Variants in MED13L observed in about 807,000 individuals in gnomAD.
MED13L encodes mediator of RNA polymerase II transcription subunit 13-like.
A neutral mutation model predicts 220.9 loss-of-function variants in MED13L; 7 were observed. The ratio of observed to expected loss-of-function variants is 0.03; its 90% CI spans 0.02 to 0.06. MED13L has a LOEUF of 0.06. Ranked by LOEUF, MED13L falls within the 10% of genes least tolerant of loss-of-function variation. MED13L has a pLI of 1.00. For synonymous variants in MED13L, 1,011 were observed against 1,015.2 expected (o/e 1.00, Z 0.08); for missense variants, 1,965 against 2,760.5 (o/e 0.71, Z 6.46).
chr12:116,147,636 G>A (rs747980070), intron 2 of MED13L, among the ~76,000 whole-genome samples: 12 of 152,014 alleles, frequency 7.9e-5, no homozygotes, highest in Non-Finnish European at 1.5e-4. Flanking sequence ...TTGACAGCAC[G>A]ATATGCTAAA....
intron 17 of MED13L, among the ~76,000 whole-genome samples, chr12:115,988,934 A>G (rs1877880395): frequency 6.6e-6 from 1 of 152,166 alleles, no homozygotes; most frequent in African/African-American, 2.4e-5. Context: ...CATTCAGTAG[A>G]AACTGATTAA....
Position 116,142,627 on chromosome 12 carries a change from G to A in MED13L, c.311-31115C>T, listed in dbSNP as rs144090568. Among the ~76,000 whole-genome samples the A allele has an allele frequency of 5.1e-3, 784 of 152,290 alleles. 6 individuals are homozygous for A. Among genetic ancestry groups the A allele is most frequent in the Non-Finnish European group, 6.8e-3 (461 of 68,024 alleles). ...CGCTTGAACCGGGGTGGCAGAGGTT[G>A]CAGCAGGCCGATATTGCGCCACAGC... is the stretch of plus-strand genomic sequence containing the variant. On this transcript the variant is annotated intron_variant, in intron 2 of 30. Transcript: ENST00000281928.
intron 2 of MED13L, among the ~76,000 whole-genome samples, chr12:116,132,789 G>A (rs1876189638): frequency 6.6e-6 from 1 of 151,938 alleles, no homozygotes. Context: ...GTGTGGTGGT[G>A]TGTGCCTGTA....
chr12:116,226,339 C>CAATTATACT (rs1868987558), intron 2 of MED13L, among the ~76,000 whole-genome samples: 1 of 152,072 alleles, frequency 6.6e-6, no homozygotes, highest in Non-Finnish European at 1.5e-5. Context: ...AAACAAGACC[C>CAATTATACT]AATTATACTA....
At chr12:116,220,037 C>T (rs1051756137) in intron 2 of MED13L, among the ~76,000 whole-genome samples, 3 of 151,986 alleles carry the variant, frequency 2.0e-5, no homozygotes, top group Non-Finnish European at 2.9e-5. Context: ...CCTCGTGATC[C>T]ACCCCGCCTC....
At chr12:116,219,765 C>A (rs1198138620) in intron 2 of MED13L, among the ~76,000 whole-genome samples, 2 of 152,040 alleles carry the variant, frequency 1.3e-5, no homozygotes, top group African/African-American at 4.8e-5. Context: ...GAAGTTCTTA[C>A]CAAAGTAAGT....
rs1880838903 is a variant in MED13L, at chr12:116,031,759, A to AAGGAAG, written c.480-9159_480-9158insCTTCCT. Among the ~76,000 whole-genome samples the AAGGAAG allele has an allele frequency of 6.6e-3, 272 of 40,992 alleles. 18 individuals carry two copies. Among genetic ancestry groups the AAGGAAG allele is most frequent in the Admixed American group, 0.013 (45 of 3,446 alleles). 26.9% of individuals were successfully genotyped at this position (40,992 alleles called of 152,430 possible). ...AGAAAAGAAAAGAAAAGAAAAGAAAAGAAGGAAGGAAGGAAGGAAGGAAGG... is the reference window on the plus strand; with the variant it reads ...AGAAAAGAAAAGAAAAGAAAAGAAAAAGGAAGGAAGGAAGGAAGGAAGGAAGGAAGG... On this transcript the variant is annotated intron_variant, in intron 4 of 30. Coordinates refer to ENST00000281928, the MANE Select transcript of MED13L (RefSeq NM_015335.5).
At chr12:116,149,425 T>C (rs1877856564) in intron 2 of MED13L, among the ~76,000 whole-genome samples, 4 of 152,352 alleles carry the variant, frequency 2.6e-5, no homozygotes, top group African/African-American at 9.6e-5. Flanking sequence ...ATATGTTTGA[T>C]TGATTAACCT....
intron 8 of MED13L, 47 bp from the exon 9 acceptor site, chr12:116,012,948 C>T (rs772189585): frequency 7.4e-7 from 1 of 1,342,632 alleles, no homozygotes; most frequent in Non-Finnish European, 1.1e-6. Flanking sequence ...AATACCCATA[C>T]CCCTGGGGAG....
intron 4 of MED13L, among the ~76,000 whole-genome samples, chr12:116,094,405 C>G (rs1872497902): frequency 6.6e-6 from 1 of 152,144 alleles, no homozygotes; most frequent in African/African-American, 2.4e-5. Flanking sequence ...ATATCAGCAG[C>G]CTCCCATTTA....
rs77703604 is a variant in MED13L, at chr12:116,148,609, C to A, written c.311-37097G>T. The A allele has an allele frequency of 1.3e-4, 24 of 183,292 alleles. 1 individual carries two copies. The South Asian group carries it at 1.3e-3, about 10-fold the overall frequency. 11.4% of individuals were successfully genotyped at this position (183,292 alleles called of 1,614,324 possible). ...TCTATCTCCATATATATGGAGATAT[C>A]TATATATATATATATATATATACGG... On this transcript the variant is annotated intron_variant, in intron 2 of 30. Coordinates refer to ENST00000281928, the MANE Select transcript of MED13L (RefSeq NM_015335.5).
chr12:115,995,319 C>A (rs1002941959), intron 16 of MED13L, among the ~76,000 whole-genome samples: 1 of 152,204 alleles, frequency 6.6e-6, no homozygotes, highest in African/African-American at 2.4e-5. Flanking sequence ...TATTGCTTAC[C>A]TGACCACAGC....
chr12:116,197,378 G>C (rs532067280), intron 2 of MED13L, among the ~76,000 whole-genome samples: 1 of 152,060 alleles, frequency 6.6e-6, no homozygotes, highest in African/African-American at 2.4e-5. Context: ...GCTTTATCTC[G>C]TTGTCCATTC....
intron 4 of MED13L, among the ~76,000 whole-genome samples, chr12:116,066,408 T>C (rs999618211): frequency 1.3e-5 from 2 of 152,198 alleles, no homozygotes; most frequent in African/African-American, 4.8e-5. Flanking sequence ...GGATTTATTT[T>C]CATGGGATTA....
chr12:116,164,970 C>A (rs1879141102), intron 2 of MED13L, among the ~76,000 whole-genome samples: 1 of 152,218 alleles, frequency 6.6e-6, no homozygotes, highest in Admixed American at 6.5e-5. Context: ...TTAAAGATCA[C>A]CTTGTACTCA....
At chr12:116,015,929 C>T (rs939680104) in intron 7 of MED13L, among the ~76,000 whole-genome samples, 3 of 152,154 alleles carry the variant, frequency 2.0e-5, no homozygotes, top group Non-Finnish European at 4.4e-5. Flanking sequence ...TCACTGGTTT[C>T]TCTCTAGTAA....
At chr12:116,001,915 C>G (rs748175439) in intron 14 of MED13L, among the ~76,000 whole-genome samples, 15 of 152,208 alleles carry the variant, frequency 9.9e-5, no homozygotes, top group Non-Finnish European at 1.9e-4. Context: ...AAAGCCTTGG[C>G]TGAGTTATCA....
chr12:116,273,117 C>G lies in MED13L; in HGVS notation c.72+3943G>C, dbSNP rs558761689. ...GTCGGGAGTTTGAGACCAGCCTGAC[C>G]AATATGGAGAAACCCCGTCTCTACT... On this transcript the variant is annotated intron_variant, in intron 1 of 30. Coordinates refer to ENST00000281928, the MANE Select transcript of MED13L (RefSeq NM_015335.5). Among the ~76,000 whole-genome samples the G allele has an allele frequency of 2.6e-5, 4 of 152,106 alleles. No individual in the cohort carries two copies. The East Asian group carries it at 7.7e-4, about 29-fold the overall frequency.
At chr12:116,055,143 G>C (rs1395564026) in intron 4 of MED13L, among the ~76,000 whole-genome samples, 1 of 152,176 alleles carries the variant, frequency 6.6e-6, no homozygotes, top group African/African-American at 2.4e-5. Flanking sequence ...TATTGAAATA[G>C]TGATCCCTTT....
Sources: allele counts gnomAD v4.1 joint callset (sites outside exome capture counted in the v4.1 genomes callset), GRCh38; gene constraint gnomAD v4.1.1; transcripts MANE v1.5; gene names NCBI Gene and HGNC (gene_info 2026-07-23, HGNC 2026-07-21).